The following ATXN7 variants were observed in gnomAD, a reference collection of about 807,000 sequenced individuals.
The protein encoded by ATXN7 is ataxin 7.
Under a neutral mutation model 70.5 loss-of-function variants are expected in ATXN7, and 12 were observed. That is an observed-to-expected ratio of 0.17 (90% CI 0.11 to 0.28). The LOEUF is 0.28. Among genes scored for constraint, ATXN7 ranks in the 10% least tolerant of loss-of-function variants. ATXN7 has a pLI of 1.00. For missense variants in ATXN7, 1,256 were observed against 1,131.7 expected, an observed-to-expected ratio of 1.11 and a Z score of -1.58; for synonymous variants, 498 against 448.7, an observed-to-expected ratio of 1.11 and a Z score of -1.39.
intron 1 of ATXN7, among the ~76,000 whole-genome samples, chr3:63,887,970 G>A (rs1168779307): frequency 1.3e-5 from 2 of 151,002 alleles, no homozygotes; most frequent in Non-Finnish European, 2.9e-5. Flanking sequence ...CATATTGTGT[G>A]CTACCTACTC....
chr3:63,870,124 A>G (rs973829732), intron 1 of ATXN7, among the ~76,000 whole-genome samples: 1 of 152,242 alleles, frequency 6.6e-6, no homozygotes, highest in Non-Finnish European at 1.5e-5. Context: ...CTCTGCCATG[A>G]TAGCAGGAAA....
At chr3:63,894,139 A>G (rs1703372022) in intron 1 of ATXN7, among the ~76,000 whole-genome samples, 1 of 152,228 alleles carries the variant, frequency 6.6e-6, no homozygotes, top group South Asian at 2.1e-4. Flanking sequence ...AAAGGAAAAT[A>G]AGTGATGCAG....
chr3:63,996,293 A>T lies in ATXN7; in HGVS notation c.2471A>T (p.His824Leu). The T allele has an allele frequency of 2.5e-6, 4 of 1,614,032 alleles. No individual in the cohort carries two copies. The highest frequency in any genetic ancestry group is 1.6e-4 in the Middle Eastern group (1 of 6,062). The change falls in exon 12 of 13, where the codon CAC becomes CTC. Residue 824 changes from histidine to leucine, a missense_variant. His to Leu is a moderately conservative substitution (Grantham distance 99). Coordinates refer to ENST00000674280, the MANE Select transcript of ATXN7 (RefSeq NM_001377405.1). ...LPVNSHGSFS[H>L]SHTPLDKLIG... ...GTCAACTCCCACGGCAGTTTTTCCC[A>T]CTCACACACTCCTCTAGACAAACTC... is the stretch of plus-strand genomic sequence containing the variant.
At chr3:63,970,230 C>A (rs908846335) in intron 5 of ATXN7, among the ~76,000 whole-genome samples, 2 of 152,142 alleles carry the variant, frequency 1.3e-5, no homozygotes, top group East Asian at 3.9e-4. Context: ...ATCCTTTTCC[C>A]AAAATGTACT....
At chr3:63,891,602 C>T (rs1052808183) in intron 1 of ATXN7, among the ~76,000 whole-genome samples, 19 of 152,178 alleles carry the variant, frequency 1.2e-4, no homozygotes, top group African/African-American at 4.3e-4. Flanking sequence ...GGATTACAGG[C>T]GTGAGCCATC....
At chr3:63,998,164 T>C (rs2106812183) in intron 12 of ATXN7, 1 of 953,142 alleles carries the variant, frequency 1.0e-6, no homozygotes, top group South Asian at 5.0e-5. Context: ...GACAGGAGTG[T>C]AGATCTTAAT....
Position 63,918,788 on chromosome 3 carries a change from TCAGA to T in ATXN7, c.394+5567_394+5570del, listed in dbSNP as rs531189332. ...CTTATGTGCAGATATAAACCAAGCC[TCAGA>T]CAGGAATCGGTAAAATCCAAGTTCC... On this transcript the variant is annotated intron_variant, in intron 4 of 12. Coordinates refer to ENST00000674280, the MANE Select transcript of ATXN7 (RefSeq NM_001377405.1). Among the ~76,000 whole-genome samples, 99 of 152,340 alleles carry T rather than the reference TCAGA, an allele frequency of 6.5e-4. 1 individual carries two copies. The highest frequency in any genetic ancestry group is 2.1e-3 in the African/African-American group (89 of 41,574).
intron 8 of ATXN7, among the ~76,000 whole-genome samples, chr3:63,985,214 C>T (rs1291218116): frequency 1.3e-5 from 2 of 152,144 alleles, no homozygotes; most frequent in African/African-American, 4.8e-5. Context: ...GGCATTCTTC[C>T]TGTGCCTTTA....
intron 1 of ATXN7, among the ~76,000 whole-genome samples, chr3:63,893,621 A>G (rs1703354534): frequency 6.6e-6 from 1 of 152,210 alleles, no homozygotes; most frequent in Non-Finnish European, 1.5e-5. Context: ...GTGTTGAGAA[A>G]GCCCTAGGAC....
intron 1 of ATXN7, among the ~76,000 whole-genome samples, chr3:63,885,108 G>C (rs965178623): frequency 1.3e-5 from 2 of 152,058 alleles, no homozygotes; most frequent in African/African-American, 4.8e-5. Flanking sequence ...CCAAAAAATA[G>C]AAAAATGGGG....
chr3:63,913,015 C>T, intron 3 of ATXN7, 92 bp downstream of exon 3: 1 of 1,426,338 alleles, frequency 7.0e-7, no homozygotes, highest in African/African-American at 1.4e-5. Flanking sequence ...TGACCCGCCC[C>T]CTCGAGGGGC....
chr3:63,947,477 A>G (rs562071553), intron 4 of ATXN7, among the ~76,000 whole-genome samples: 1 of 152,280 alleles, frequency 6.6e-6, no homozygotes, highest in South Asian at 2.1e-4. Context: ...GATTACTCCT[A>G]GCTACTCAGG....
chr3:63,949,644 T>A lies in ATXN7; in HGVS notation c.395-2735T>A, dbSNP rs142133348. Among the ~76,000 whole-genome samples the A allele has an allele frequency of 3.4e-3, 513 of 152,234 alleles. 3 individuals are homozygous for A. Among genetic ancestry groups the A allele is most frequent in the African/African-American group, 0.012 (496 of 41,536 alleles). ...AACTCCTGACCTCGGGTAATCCGCC[T>A]TCCTCGGCCTCCCAAAGTGCTGGAA... is the stretch of plus-strand genomic sequence containing the variant. On this transcript the variant is annotated intron_variant, in intron 4 of 12. Transcript: ENST00000674280.
At chr3:63,991,204 TAGTG>T (rs535250362) in intron 11 of ATXN7, among the ~76,000 whole-genome samples, 5 of 152,130 alleles carry the variant, frequency 3.3e-5, no homozygotes, top group Admixed American at 6.5e-5. Context: ...CAGCAAGACT[TAGTG>T]AGAGCCAACT....
At chr3:63,873,349 C>T (rs1000030195) in intron 1 of ATXN7, among the ~76,000 whole-genome samples, 4 of 152,160 alleles carry the variant, frequency 2.6e-5, no homozygotes, top group African/African-American at 9.7e-5. Flanking sequence ...AGATCTAGAG[C>T]AGCTTCAGGG....
intron 12 of ATXN7, chr3:63,998,588 G>A: frequency 1.0e-6 from 1 of 985,352 alleles, no homozygotes; most frequent in Non-Finnish European, 1.2e-6. Flanking sequence ...GTTTGTGTTT[G>A]AGAGAGATTT....
In ATXN7 at chr3:63,928,549, C is replaced by G. The variant is rs541331595; in HGVS notation, c.394+15324C>G. 5.6e-4 allele frequency among the ~76,000 whole-genome samples: 85 copies of G among 152,270 alleles called. 1 individual carries two copies. The highest frequency in any genetic ancestry group is 1.9e-3 in the African/African-American group (78 of 41,550). ...GAGCACTTACTGTGTGTGTCACGCA[C>G]TGAGTAAAGAGCTTTACATGGACTG... On this transcript the variant is annotated intron_variant, in intron 4 of 12. Transcript: ENST00000674280.
chr3:63,883,541 A>T (rs77425571), intron 1 of ATXN7, among the ~76,000 whole-genome samples: 2 of 116,234 alleles, frequency 1.7e-5, no homozygotes, highest in Non-Finnish European at 4.0e-5. Flanking sequence ...ATTCCCAATT[A>T]AAAAAAAAAA....
At chr3:63,924,453 C>CTAT (rs946609082) in intron 4 of ATXN7, among the ~76,000 whole-genome samples, 1 of 151,910 alleles carries the variant, frequency 6.6e-6, no homozygotes, top group Non-Finnish European at 1.5e-5. Flanking sequence ...ATAGGAGTGT[C>CTAT]AATAAAGAAT....
Sources: gnomAD v4.1 joint callset for allele counts (sites outside exome capture counted in the v4.1 genomes callset) on GRCh38, gnomAD v4.1.1 for gene constraint, MANE v1.5 for transcripts, NCBI Gene and HGNC (gene_info 2026-07-23, HGNC 2026-07-21) for gene names.